The following LIN52 variants were observed in gnomAD, a reference collection of about 807,000 sequenced individuals.
LIN52 encodes the protein lin-52 DREAM MuvB core complex component.
Under a neutral mutation model 18.5 loss-of-function variants are expected in LIN52, and 4 were observed. The ratio of observed to expected loss-of-function variants is 0.22; its 90% confidence interval spans 0.11 to 0.49. The LOEUF (loss-of-function observed/expected upper bound fraction) is 0.49, where lower values mean the gene tolerates loss of function less well. LIN52 is among the 20% of genes least tolerant of loss of function. The pLI is 0.97. For missense variants in LIN52, 102 were observed against 139.5 expected, an observed-to-expected ratio of 0.73 and a Z score of 1.35; for synonymous variants, 34 against 45.5, an observed-to-expected ratio of 0.75 and a Z score of 1.02.
At chr14:74,167,417 T>G (rs1209042501) in intron 5 of LIN52, among the ~76,000 whole-genome samples, 1 of 152,152 alleles carries the variant, frequency 6.6e-6, no homozygotes, top group East Asian at 1.9e-4. Context: ...TCATTGCTCT[T>G]AAAACATTCA....
intron 5 of LIN52, among the ~76,000 whole-genome samples, chr14:74,164,528 C>A (rs1452966928): frequency 6.6e-6 from 1 of 152,054 alleles, no homozygotes; most frequent in African/African-American, 2.4e-5. Context: ...TCAAGTGATC[C>A]GCCTGCTTCG....
intron 5 of LIN52, among the ~76,000 whole-genome samples, chr14:74,190,571 T>C (rs922906814): frequency 7.9e-5 from 12 of 151,792 alleles, no homozygotes; most frequent in African/African-American, 2.9e-4. Context: ...TTTGTATTTT[T>C]ACTAGAGATG....
At chr14:74,192,608 GA>G in intron 5 of LIN52, 2 of 209,660 alleles carry the variant, frequency 9.5e-6, no homozygotes, top group South Asian at 7.2e-5. Flanking sequence ...ATATTAATTT[GA>G]AGGTGGAGGG....
chr14:74,106,955 C>T (rs1051859111), intron 5 of LIN52, among the ~76,000 whole-genome samples: 7 of 152,182 alleles, frequency 4.6e-5, no homozygotes, highest in Non-Finnish European at 8.8e-5. Flanking sequence ...ATTGGTACTA[C>T]TTCATTACCC....
chr14:74,118,638 C>G (rs1457552760), intron 5 of LIN52, among the ~76,000 whole-genome samples: 1 of 151,330 alleles, frequency 6.6e-6, no homozygotes, highest in Non-Finnish European at 1.5e-5. Context: ...GCCGGGCCTG[C>G]TGGTGTACAC....
At chr14:74,144,914 T>C (rs2061147524) in intron 5 of LIN52, among the ~76,000 whole-genome samples, 2 of 152,328 alleles carry the variant, frequency 1.3e-5, no homozygotes, top group South Asian at 2.1e-4. Context: ...GGTTGTGTGG[T>C]TGAGATCATG....
chr14:74,148,758 G>A (rs1291717328), intron 5 of LIN52, among the ~76,000 whole-genome samples: 2 of 152,036 alleles, frequency 1.3e-5, no homozygotes, highest in African/African-American at 4.8e-5. Context: ...AAAATTGCTT[G>A]ATTGTCTATT....
In LIN52 at chr14:74,201,109, A is replaced by G. The variant is rs2078946631; in HGVS notation, c.*2132A>G. On this transcript the variant is annotated 3_prime_UTR_variant, in exon 6 of 6. Transcript: ENST00000555028. Reference sequence around the variant, plus strand: ...TTTGTCATCCTTAGAAATGTTAATGATGTATTTTTATATTGATAATATAAA... The same window carrying G: ...TTTGTCATCCTTAGAAATGTTAATGGTGTATTTTTATATTGATAATATAAA... 6.6e-6 allele frequency: 1 copy of G among 152,216 alleles called. No individual in the cohort carries two copies. The highest frequency in any genetic ancestry group is 1.5e-5 in the Non-Finnish European group (1 of 68,040). 9.4% of individuals were successfully genotyped at this position (152,216 alleles called of 1,614,324 possible). A position where few individuals can be genotyped will look rare whatever the true frequency, so the allele number is the denominator to read the frequency against.
intron 5 of LIN52, among the ~76,000 whole-genome samples, chr14:74,175,043 A>ATAATAATAATAATAATAG (rs1477002645): frequency 6.8e-6 from 1 of 147,938 alleles, no homozygotes; most frequent in Non-Finnish European, 1.5e-5. Flanking sequence ...AATAATAATA[A>ATAATAATAATAATAATAG]TGTACACCTG....
chr14:74,148,381 G>A (rs1254209476), intron 5 of LIN52, among the ~76,000 whole-genome samples: 1 of 152,082 alleles, frequency 6.6e-6, no homozygotes, highest in Non-Finnish European at 1.5e-5. Flanking sequence ...AAATACATAA[G>A]CTCCTCTCAT....
chr14:74,096,824 C>G (rs1456515015), intron 3 of LIN52, among the ~76,000 whole-genome samples: 1 of 152,102 alleles, frequency 6.6e-6, no homozygotes, highest in African/African-American at 2.4e-5. Flanking sequence ...CTTCCCTACC[C>G]CTCATATTCT....
At chr14:74,142,226 A>T (rs2139954232) in intron 5 of LIN52, among the ~76,000 whole-genome samples, 1 of 152,340 alleles carries the variant, frequency 6.6e-6, no homozygotes, top group Non-Finnish European at 1.5e-5. Flanking sequence ...CTTTAGTCCC[A>T]TTCTCAACAC....
rs5809648 is a variant in LIN52 at position 74,124,810 on chromosome 14, CAAAAAAA to C, written c.283+23589_283+23595del. 1.3e-4 allele frequency among the ~76,000 whole-genome samples: 8 copies of C among 59,448 alleles called. 1 individual carries two copies. Among genetic ancestry groups the C allele is most frequent in the African/African-American group, 4.0e-4 (6 of 14,880 alleles). The allele number at this position is 59,448 out of a possible 152,430, so 39.0% of individuals were successfully genotyped here. On this transcript the variant is annotated intron_variant, in intron 5 of 5. Transcript: ENST00000555028. ...TGGGTGACAGAGCAAGACCCTGTCTCAAAAAAAAAAAAAAAAAAAAAAAGCTGAGAGG... is the reference window on the plus strand; with the variant it reads ...TGGGTGACAGAGCAAGACCCTGTCTCAAAAAAAAAAAAAAAAGCTGAGAGG...
At chr14:74,095,390 C>G (rs1474132924) in intron 2 of LIN52, among the ~76,000 whole-genome samples, 1 of 152,060 alleles carries the variant, frequency 6.6e-6, no homozygotes, top group African/African-American at 2.4e-5. Flanking sequence ...CCGCTTCAGC[C>G]TCCCAAAGTG....
chr14:74,098,239 T>TGGCTA (rs1233975203), intron 4 of LIN52, among the ~76,000 whole-genome samples: 2 of 152,286 alleles, frequency 1.3e-5, no homozygotes, highest in South Asian at 2.1e-4. Flanking sequence ...AGTTAAAATT[T>TGGCTA]GGCTAGGCGT....
At chr14:74,154,622 T>C (rs2061191818) in intron 5 of LIN52, among the ~76,000 whole-genome samples, 1 of 152,220 alleles carries the variant, frequency 6.6e-6, no homozygotes, top group African/African-American at 2.4e-5. Context: ...TGGGTTTTAA[T>C]GTTACTCCTA....
chr14:74,123,665 C>T (rs2139926856), intron 5 of LIN52, among the ~76,000 whole-genome samples: 1 of 152,156 alleles, frequency 6.6e-6, no homozygotes, highest in Admixed American at 6.5e-5. Context: ...AAGACGGTCC[C>T]CAGTGATCCC....
At chr14:74,102,981 A>T (rs1453479889) in intron 5 of LIN52, among the ~76,000 whole-genome samples, 1 of 152,218 alleles carries the variant, frequency 6.6e-6, no homozygotes, top group Non-Finnish European at 1.5e-5. Flanking sequence ...AATTTCCTGT[A>T]GCTACTTTAA....
At chr14:74,116,480 C>T (rs1028060860) in intron 5 of LIN52, among the ~76,000 whole-genome samples, 1 of 151,966 alleles carries the variant, frequency 6.6e-6, no homozygotes, top group African/African-American at 2.4e-5. Flanking sequence ...CTGAGGTAGG[C>T]GGATCATTTG....
Sources: allele counts gnomAD v4.1 joint callset (sites outside exome capture counted in the v4.1 genomes callset), GRCh38; gene constraint gnomAD v4.1.1; transcripts MANE v1.5; gene names NCBI Gene and HGNC (gene_info 2026-07-23, HGNC 2026-07-21).